The following BCR variants were observed in gnomAD, a reference collection of about 807,000 sequenced individuals.
The protein encoded by BCR is BCR activator of RhoGEF and GTPase, also known as breakpoint cluster region protein.
A neutral mutation model predicts 138.6 loss-of-function variants in BCR; 58 were observed. That is an observed-to-expected ratio of 0.42 (90% CI 0.34 to 0.52). BCR has a LOEUF of 0.52. BCR is among the 20% of genes least tolerant of loss of function. The pLI is 0.06. For synonymous variants in BCR, 786 were observed against 730.1 expected (o/e 1.08, Z -1.23); for missense variants, 1,599 against 1,727.2 (o/e 0.93, Z 1.32).
rs781152622 is a variant in BCR, at chr22:23,285,188, T to C, written c.2393T>C (p.Ile798Thr). 2 of 1,612,474 alleles carry C rather than the reference T, an allele frequency of 1.2e-6. No homozygotes were observed. The highest frequency in any genetic ancestry group is 1.7e-5 in the Admixed American group (1 of 59,896). ...KIKISQIKND[I>T]QREKRANKGS... is the part of the protein sequence containing the mutation. ...AAGATCTCCCAGATCAAGAATGACA[T>C]CCAGAGAGAGAAGGTGCACACCAGG... Residue 798 changes from isoleucine to threonine, a missense_variant, in exon 10 of 23, where the codon ATC becomes ACC. By Grantham distance (89) the Ile-to-Thr change is moderately conservative. Transcript: ENST00000305877.
In BCR at chr22:23,181,275, C is replaced by T; in HGVS notation, c.315C>T (p.Ala105=). The change falls in exon 1 of 23, where the codon GCC becomes GCT. Residue 105 remains alanine (A), a synonymous_variant. Transcript: ENST00000305877. ...CGCAGCCAGCGCCCGCCGACGGAGC[C>T]GACCCGCCGCCCGCCGAGGAGCCCG... ...SRPQPAPADG[A]DPPPAEEPEA... 1 of 1,290,146 alleles carries T rather than the reference C, an allele frequency of 7.8e-7. No homozygotes were observed. Among genetic ancestry groups the T allele is most frequent in the Non-Finnish European group, 9.9e-7 (1 of 1,012,680 alleles). 79.9% of individuals were successfully genotyped at this position (1,290,146 alleles called of 1,614,324 possible).
At chr22:23,282,107 G>A (rs904220485) in intron 8 of BCR, among the ~76,000 whole-genome samples, 13 of 152,238 alleles carry the variant, frequency 8.5e-5, no homozygotes, top group African/African-American at 3.1e-4. Flanking sequence ...TCCTTGGCCG[G>A]GAGGCCCTTT....
At chr22:23,284,959 G>T in intron 9 of BCR, 74 bp from the exon 10 acceptor site, 2 of 1,513,110 alleles carry the variant, frequency 1.3e-6, no homozygotes, top group Non-Finnish European at 9.0e-7. Context: ...CTGGCTCTTG[G>T]GCTCTTGACA....
chr22:23,224,457 C>A (rs2072864640), intron 1 of BCR, among the ~76,000 whole-genome samples: 1 of 152,212 alleles, frequency 6.6e-6, no homozygotes, highest in South Asian at 2.1e-4. Context: ...GAGCCACATT[C>A]TCTCAGCAGG....
At chr22:23,206,933 C>CGATTCCTCCCTCCCT (rs1482646080) in intron 1 of BCR, among the ~76,000 whole-genome samples, 118 of 119,244 alleles carry the variant, frequency 9.9e-4, no homozygotes, top group Non-Finnish European at 1.7e-3. Flanking sequence ...CCTCTGTCAT[C>CGATTCCTCCCTCCCT]CATTCATTCC....
chr22:23,193,428 A>G (rs1459581012), intron 1 of BCR, among the ~76,000 whole-genome samples: 4 of 152,252 alleles, frequency 2.6e-5, no homozygotes, highest in African/African-American at 7.2e-5. Flanking sequence ...GTCTGGTCTC[A>G]TAGAGTCTCC....
chr22:23,253,505 A>T (rs1402698447), intron 1 of BCR, among the ~76,000 whole-genome samples: 1 of 152,254 alleles, frequency 6.6e-6, no homozygotes, highest in Non-Finnish European at 1.5e-5. Context: ...CCAGGAAAGT[A>T]GAGGGTGGGA....
At chr22:23,226,321 AGAGAGAGTGT>A (rs1407768244) in intron 1 of BCR, among the ~76,000 whole-genome samples, 2,004 of 146,570 alleles carry the variant, frequency 0.014, 29 homozygotes, top group African/African-American at 0.037. Flanking sequence ...AGAGAGAGAG[AGAGAGAGTGT>A]GTGTGTGTGT....
intron 1 of BCR, among the ~76,000 whole-genome samples, chr22:23,229,966 A>G (rs2072937403): frequency 1.3e-5 from 2 of 151,980 alleles, no homozygotes; most frequent in South Asian, 2.1e-4. Flanking sequence ...TGCTGGGGAA[A>G]GGTGGATAAA....
rs781511904 is a variant in BCR at position 23,182,149 on chromosome 22, G to A, written c.1189G>A (p.Val397Ile). 1.2e-6 allele frequency: 2 copies of A among 1,609,518 alleles called. No homozygotes were observed. The highest frequency in any genetic ancestry group is 8.5e-7 in the Non-Finnish European group (1 of 1,179,796). The change falls in exon 1 of 23, where the codon GTT becomes ATT. Residue 397 changes from valine (V) to isoleucine (I), a missense_variant. Val to Ile is a conservative substitution (Grantham distance 29). This residue lies in a region of BCR where 806 missense variants were observed against 635.0 expected (regional missense o/e 1.27). Transcript: ENST00000305877. ...CCATAAGCGGCACCGGCACTGCCCG[G>A]TTGTCGTGTCCGAGGCCACCATCGT... ...QCHKRHRHCP[V>I]VVSEATIVGV...
intron 1 of BCR, among the ~76,000 whole-genome samples, chr22:23,249,898 T>A (rs1256732871): frequency 6.6e-6 from 1 of 152,124 alleles, no homozygotes; most frequent in Non-Finnish European, 1.5e-5. Flanking sequence ...ACCCAGACAT[T>A]GATTTGAGAT....
At chr22:23,306,501 A>T (rs1236976739) in intron 16 of BCR, among the ~76,000 whole-genome samples, 1 of 152,242 alleles carries the variant, frequency 6.6e-6, no homozygotes, top group East Asian at 1.9e-4. Context: ...CTCAGTCTCC[A>T]AACTTGGGCA....
In BCR at chr22:23,181,221, C is replaced by G. The variant is rs1195629645; in HGVS notation, c.261C>G (p.Ala87=). 6.3e-5 allele frequency: 78 copies of G among 1,239,434 alleles called. No homozygotes were observed. In the Admixed American group the frequency reaches 1.1e-3, roughly 17 times the overall value. 76.8% of individuals were successfully genotyped at this position (1,239,434 alleles called of 1,614,324 possible). ...FRRAAQAPDG[A]SEPRASASRP... Reference sequence around the variant, plus strand: ...GCGCGGCGCAGGCCCCCGACGGCGCCTCCGAGCCCCGAGCGTCCGCGTCGC... The same window carrying G: ...GCGCGGCGCAGGCCCCCGACGGCGCGTCCGAGCCCCGAGCGTCCGCGTCGC... Residue 87 remains alanine, a synonymous_variant, in exon 1 of 23, where the codon GCC becomes GCG. Transcript: ENST00000305877.
chr22:23,251,898 G>C (rs774863248), intron 1 of BCR, among the ~76,000 whole-genome samples: 15 of 152,206 alleles, frequency 9.9e-5, no homozygotes, highest in South Asian at 2.1e-4. Context: ...CAGTGGTCAT[G>C]ATGAGTCCAC....
intron 1 of BCR, among the ~76,000 whole-genome samples, chr22:23,223,089 C>T (rs2072845479): frequency 1.3e-5 from 2 of 152,182 alleles, no homozygotes; most frequent in Admixed American, 1.3e-4. Flanking sequence ...AGGGTTCCAC[C>T]CTTACGACCT....
At chr22:23,279,348 G>T (rs2073615595) in intron 8 of BCR, among the ~76,000 whole-genome samples, 1 of 152,220 alleles carries the variant, frequency 6.6e-6, no homozygotes, top group African/African-American at 2.4e-5. Flanking sequence ...GGAGGGAAGG[G>T]CGAGCAGGAC....
chr22:23,261,557 C>A lies in BCR; in HGVS notation c.1752+17C>A. The A allele has an allele frequency of 6.2e-7, 1 of 1,609,208 alleles. No homozygotes were observed. The highest frequency in any genetic ancestry group is 1.1e-5 in the South Asian group (1 of 90,974). On this transcript the variant is annotated intron_variant, in intron 4 of 22. Transcript: ENST00000305877. ...CAGAAGCTGGTGAGTAACCCAGGGC[C>A]GGTGCTGGGACTACAGGCGTGTACC...
chr22:23,217,886 C>T lies in BCR; in HGVS notation c.1279+35647C>T, dbSNP rs77343329. 2.5e-3 allele frequency among the ~76,000 whole-genome samples: 384 copies of T among 152,294 alleles called. 2 individuals carry two copies. The highest frequency in any genetic ancestry group is 8.1e-3 in the African/African-American group (337 of 41,560). On this transcript the variant is annotated intron_variant, in intron 1 of 22. Coordinates refer to ENST00000305877, the MANE Select transcript of BCR (RefSeq NM_004327.4). The stretch of plus-strand genomic sequence containing the variant: ...TGATCTGCAGCTGTGGCCGCCTGCT[C>T]GGACAGGAAAGGCCTTGACGTCCAG...
chr22:23,254,688 A>C, intron 2 of BCR: 1 of 469,396 alleles, frequency 2.1e-6, no homozygotes, highest in East Asian at 6.0e-5. Flanking sequence ...GGGCTGCTTC[A>C]GCAATGCTCT....
Sources: gnomAD v4.1 joint callset for allele counts (sites outside exome capture counted in the v4.1 genomes callset) on GRCh38, gnomAD v4.1.1 for gene constraint, gnomAD v4.1.1 regional missense constraint, MANE v1.5 for transcripts, NCBI Gene and HGNC (gene_info 2026-07-23, HGNC 2026-07-21) for gene names.